The following GABRA2 variants were observed in gnomAD, a reference collection of about 807,000 sequenced individuals.
The protein encoded by GABRA2 is gamma-aminobutyric acid receptor subunit alpha-2.
GABRA2 carries 16 observed loss-of-function variants against 48.7 expected under a neutral mutation model. That is an observed-to-expected ratio of 0.33 (90% CI 0.22 to 0.50). The LOEUF (loss-of-function observed/expected upper bound fraction) is 0.50. Among genes scored for constraint, GABRA2 ranks in the 20% least tolerant of loss-of-function variants. The pLI, the probability that GABRA2 is intolerant of heterozygous loss-of-function variation, is 0.98. For synonymous variants in GABRA2, 185 were observed against 184.5 expected (o/e 1.00, Z -0.02); for missense variants, 275 against 535.6 (o/e 0.51, Z 4.80).
chr4:46,378,949 C>T lies in GABRA2; in HGVS notation c.187+7125G>A, dbSNP rs1005673318. 6.6e-5 allele frequency among the ~76,000 whole-genome samples: 10 copies of T among 152,226 alleles called. No individual in the cohort carries two copies. The Middle Eastern group carries it at 0.01, about 155-fold the overall frequency. The stretch of plus-strand genomic sequence containing the variant: ...TTCTATCTAATATAATACATACCAG[C>T]GCTGCCACATATTCAGTCTGCCTTT... On this transcript the variant is annotated intron_variant, in intron 3 of 9. Transcript: ENST00000381620.
rs192351417 is a variant in GABRA2, at chr4:46,269,841, G to A, written c.857-7713C>T. 2.8e-3 allele frequency among the ~76,000 whole-genome samples: 420 copies of A among 151,980 alleles called. 1 individual carries two copies. The highest frequency in any genetic ancestry group is 0.014 in the Middle Eastern group (4 of 294). ...TATGAAAATTAATACTGAGGAGATT[G>A]TATTATATTCTTTTTCTGCAGTGAA... On this transcript the variant is annotated intron_variant, in intron 8 of 9. Transcript: ENST00000381620.
chr4:46,386,901 T>G (rs891399291), intron 2 of GABRA2: 21 of 152,218 alleles, frequency 1.4e-4, no homozygotes, highest in African/African-American at 4.8e-4. Flanking sequence ...TTGTAAAGAT[T>G]AAAATGCCTA....
chr4:46,344,952 T>C (rs1447168959), intron 3 of GABRA2, among the ~76,000 whole-genome samples: 3 of 151,930 alleles, frequency 2.0e-5, no homozygotes, highest in Non-Finnish European at 4.4e-5. Flanking sequence ...ATCCATATGA[T>C]ATGGGTTGGC....
rs1219776294 is a variant in GABRA2 at position 46,310,266 on chromosome 4, A to AC, written c.477-12_477-11insG. On this transcript the variant is annotated splice_polypyrimidine_tract_variant and intron_variant, in intron 5 of 9. Coordinates refer to ENST00000381620, the MANE Select transcript of GABRA2 (RefSeq NM_000807.4). ...GCTTGAACTGTAAGCCTAAAAGTCA[A>AC]AATTTCACTATTTGTTTAAGTATAT... The AC allele has an allele frequency of 3.7e-6, 6 of 1,607,986 alleles. No individual in the cohort carries two copies. The highest frequency in any genetic ancestry group is 5.1e-6 in the Non-Finnish European group (6 of 1,174,788).
intron 8 of GABRA2, among the ~76,000 whole-genome samples, chr4:46,266,304 AT>A (rs1188446048): frequency 1.4e-5 from 2 of 147,876 alleles, no homozygotes; most frequent in Non-Finnish European, 3.0e-5. Flanking sequence ...ATTATATTTA[AT>A]TTTTAATATT....
intron 8 of GABRA2, among the ~76,000 whole-genome samples, chr4:46,298,517 G>A (rs1235471635): frequency 1.3e-5 from 2 of 151,936 alleles, no homozygotes; most frequent in African/African-American, 2.4e-5. Context: ...TTCATTTAGA[G>A]AGTTTAATTT....
At chr4:46,341,659 C>G (rs1733264423) in intron 3 of GABRA2, among the ~76,000 whole-genome samples, 1 of 152,022 alleles carries the variant, frequency 6.6e-6, no homozygotes, top group African/African-American at 2.4e-5. Flanking sequence ...ATAACTCTGC[C>G]TAAGCCTTCA....
At chr4:46,321,367 C>T (rs1471274269) in intron 4 of GABRA2, among the ~76,000 whole-genome samples, 1 of 151,890 alleles carries the variant, frequency 6.6e-6, no homozygotes, top group African/African-American at 2.4e-5. Context: ...AGTGCTCTTA[C>T]TGGAAAAAAA....
chr4:46,309,095 T>C (rs767773008), intron 6 of GABRA2, among the ~76,000 whole-genome samples: 1 of 152,140 alleles, frequency 6.6e-6, no homozygotes, highest in Non-Finnish European at 1.5e-5. Context: ...ATGGTTTCCA[T>C]GACAATAAAA....
chr4:46,272,917 G>A (rs1577853247), intron 8 of GABRA2, among the ~76,000 whole-genome samples: 1 of 151,874 alleles, frequency 6.6e-6, no homozygotes, highest in African/African-American at 2.4e-5. Flanking sequence ...TTATTATAAT[G>A]TAAGTTCTGG....
chr4:46,261,675 T>C (rs2109350007), intron 9 of GABRA2: 1 of 572,172 alleles, frequency 1.7e-6, no homozygotes, highest in South Asian at 2.4e-5. Flanking sequence ...TGAGAGAGCA[T>C]ATGTAAAACA....
chr4:46,306,287 A>G (rs1167009124), intron 6 of GABRA2, among the ~76,000 whole-genome samples: 1 of 152,214 alleles, frequency 6.6e-6, no homozygotes, highest in Non-Finnish European at 1.5e-5. Context: ...TCGTTTTTAA[A>G]TGAATCAATG....
chr4:46,364,261 T>C (rs1357818926), intron 3 of GABRA2: 1 of 152,242 alleles, frequency 6.6e-6, no homozygotes, highest in East Asian at 1.9e-4. Flanking sequence ...TATCTTACAG[T>C]ACTTTGAAAT....
In GABRA2 at chr4:46,302,074, C is replaced by CTT. The variant is rs58568555; in HGVS notation, c.856+1384_856+1385dup. ...ATATACCACTCCTTTTCATTTTATT[C>CTT]TTTTTTTTTTTTGAGACATAGTCTT... On this transcript the variant is annotated intron_variant, in intron 8 of 9. Coordinates refer to ENST00000381620, the MANE Select transcript of GABRA2 (RefSeq NM_000807.4). Among the ~76,000 whole-genome samples the CTT allele has an allele frequency of 1.8e-3, 256 of 145,336 alleles. 2 individuals carry two copies. The highest frequency in any genetic ancestry group is 5.8e-3 in the African/African-American group (232 of 40,078).
chr4:46,302,692 G>A (rs897646488), intron 8 of GABRA2: 4 of 152,082 alleles, frequency 2.6e-5, no homozygotes, highest in African/African-American at 9.7e-5. Flanking sequence ...TGCTATTCTA[G>A]GGAAAATACA....
intron 3 of GABRA2, among the ~76,000 whole-genome samples, chr4:46,343,015 CT>C (rs1733548918): frequency 6.6e-6 from 1 of 151,856 alleles, no homozygotes; most frequent in Non-Finnish European, 1.5e-5. Flanking sequence ...ATGCCTGACA[CT>C]TTCTAAGCTT....
At position 46,320,362 on chromosome 4, in the gene GABRA2, A is replaced by C. The variant is rs112712586; in HGVS notation, c.256-7646T>G. ...TAGAAGAGAAGATAGGCTCTTTGAC[A>C]TTGATCTTGGCAATGAGTGTTTTGA... On this transcript the variant is annotated intron_variant, in intron 4 of 9. Coordinates refer to ENST00000381620, the MANE Select transcript of GABRA2 (RefSeq NM_000807.4). Among the ~76,000 whole-genome samples, 233 of 151,994 alleles carry C rather than the reference A, an allele frequency of 1.5e-3. 2 individuals are homozygous for C. Among genetic ancestry groups the C allele is most frequent in the African/African-American group, 5.5e-3 (227 of 41,530 alleles).
intron 8 of GABRA2, among the ~76,000 whole-genome samples, chr4:46,276,477 A>AT (rs1720524806): frequency 6.6e-6 from 1 of 152,094 alleles, no homozygotes. Flanking sequence ...CTGCTGACAG[A>AT]TAACAGTTAA....
At chr4:46,374,814 AGAATACT>A in intron 3 of GABRA2, among the ~76,000 whole-genome samples, 1 of 150,596 alleles carries the variant, frequency 6.6e-6, no homozygotes, top group South Asian at 2.1e-4. Context: ...ATATTCTCTA[AGAATACT>A]GATATGCTTC....
Sources: gnomAD v4.1 joint callset for allele counts (sites outside exome capture counted in the v4.1 genomes callset) on GRCh38, gnomAD v4.1.1 for gene constraint, MANE v1.5 for transcripts, NCBI Gene and HGNC (gene_info 2026-07-23, HGNC 2026-07-21) for gene names.